The following SENP7 variants were observed in gnomAD, a reference collection of about 807,000 sequenced individuals.
SENP7 encodes sentrin-specific protease 7.
Under a neutral mutation model 141.2 loss-of-function variants are expected in SENP7, and 64 were observed. That is an observed-to-expected ratio of 0.45 (90% CI 0.37 to 0.56). The LOEUF (loss-of-function observed/expected upper bound fraction) is 0.56, where lower values mean the gene tolerates loss of function less well. Ranked by LOEUF, SENP7 falls within the 20% of genes least tolerant of loss-of-function variation. The probability of loss-of-function intolerance (pLI) is 0.00; values close to 1 mark genes in which losing one functional copy is unlikely to be tolerated. For synonymous variants in SENP7, 382 were observed against 426.4 expected, an observed-to-expected ratio of 0.90 and a Z score of 1.28; for missense variants, 1,025 against 1,212.2, an observed-to-expected ratio of 0.85 and a Z score of 2.29.
At chr3:101,457,680 T>A in intron 4 of SENP7, 3 of 1,365,640 alleles carry the variant, frequency 2.2e-6, no homozygotes, top group Non-Finnish European at 3.1e-6. Flanking sequence ...AATGCACACT[T>A]GTGCCTGCAG....
rs569182947 is a variant in SENP7, at chr3:101,341,895, T to C, written c.2107-116A>G. On this transcript the variant is annotated intron_variant, in intron 14 of 23. Transcript: ENST00000394095. ...TTTAAAAATCCCTATGAATTATATC[T>C]ATACTTTTAGATTTTCCATAGATAT... 9.6e-5 allele frequency: 100 copies of C among 1,044,064 alleles called. No homozygotes were observed. The Middle Eastern group carries it at 1.8e-3, about 19-fold the overall frequency. 64.7% of individuals were successfully genotyped at this position (1,044,064 alleles called of 1,614,324 possible).
intron 3 of SENP7, among the ~76,000 whole-genome samples, chr3:101,476,362 T>C (rs2064217841): frequency 6.6e-6 from 1 of 152,092 alleles, no homozygotes; most frequent in Non-Finnish European, 1.5e-5. Context: ...TGGTTTTCTG[T>C]TCCTGTGTTA....
At chr3:101,362,214 T>TG in intron 10 of SENP7, among the ~76,000 whole-genome samples, 1 of 152,216 alleles carries the variant, frequency 6.6e-6, no homozygotes, top group Non-Finnish European at 1.5e-5. Flanking sequence ...ATTGTACTTT[T>TG]GTTTAAAATA....
At chr3:101,453,727 C>G (rs1576402257) in intron 4 of SENP7, among the ~76,000 whole-genome samples, 4 of 148,480 alleles carry the variant, frequency 2.7e-5, no homozygotes, top group South Asian at 2.1e-4. Context: ...GGGGTGGGGG[C>G]AGGGGGGAGG....
At chr3:101,389,421 TA>T (rs1170745710) in intron 6 of SENP7, among the ~76,000 whole-genome samples, 2 of 151,930 alleles carry the variant, frequency 1.3e-5, no homozygotes, top group African/African-American at 4.8e-5. Flanking sequence ...TCTAGACACT[TA>T]TAAGAGAATC....
chr3:101,361,715 T>C lies in SENP7; in HGVS notation c.1623A>G (p.Thr541=), dbSNP rs975255875. 1 of 1,559,928 alleles carries C rather than the reference T, an allele frequency of 6.4e-7. No individual in the cohort carries two copies. The highest frequency in any genetic ancestry group is 1.3e-5 in the South Asian group (1 of 78,882). The stretch of plus-strand genomic sequence containing the variant: ...AGAAAATTAAAGAAAATATACTTAC[T>C]GTAACACAACCTTTAGAAGCTCCTT... ...KIKGASKGCV[T]ITKKYIKIPF... is the part of the protein sequence containing the mutation. The change falls in exon 11 of 24, where the codon ACA becomes ACG. Residue 541 remains threonine (T), a splice_region_variant and synonymous_variant. Coordinates refer to ENST00000394095, the MANE Select transcript of SENP7 (RefSeq NM_020654.5).
chr3:101,423,129 A>C (rs1304977561), intron 4 of SENP7, among the ~76,000 whole-genome samples: 1 of 152,206 alleles, frequency 6.6e-6, no homozygotes, highest in African/African-American at 2.4e-5. Context: ...ACATTTGGAC[A>C]CTTCACCAAA....
chr3:101,368,234 G>T (rs567203978), intron 7 of SENP7, among the ~76,000 whole-genome samples: 2 of 152,076 alleles, frequency 1.3e-5, no homozygotes, highest in African/African-American at 4.8e-5. Context: ...TAGTTGTGAG[G>T]TGAGAAAAAT....
chr3:101,381,951 T>C (rs1009155296), intron 6 of SENP7, among the ~76,000 whole-genome samples: 2 of 152,144 alleles, frequency 1.3e-5, no homozygotes, highest in African/African-American at 4.8e-5. Flanking sequence ...GACATGAATA[T>C]AGGAAACTAT....
rs1279782477 is a variant in SENP7 at position 101,324,521 on chromosome 3, T to C, written c.*1422A>G. ...CCCCCCAACACACACAAATTGGGAATGAAATATGTAATTATAGCCATCTTT... is the reference window on the plus strand; with the variant it reads ...CCCCCCAACACACACAAATTGGGAACGAAATATGTAATTATAGCCATCTTT... On this transcript the variant is annotated 3_prime_UTR_variant, in exon 24 of 24. Transcript: ENST00000394095. The C allele has an allele frequency of 1.3e-5, 2 of 152,006 alleles. No homozygotes were observed. Among genetic ancestry groups the C allele is most frequent in the African/African-American group, 4.8e-5 (2 of 41,418 alleles). 9.4% of individuals were successfully genotyped at this position (152,006 alleles called of 1,614,324 possible).
chr3:101,435,231 TAA>T (rs34513360), intron 4 of SENP7, among the ~76,000 whole-genome samples: 446 of 150,942 alleles, frequency 3.0e-3, no homozygotes, highest in Non-Finnish European at 4.7e-3. Context: ...TTCTTCATAA[TAA>T]AAAAAAAACT....
intron 6 of SENP7, 49 bp from the exon 7 acceptor site, chr3:101,372,175 AT>A: frequency 1.0e-6 from 1 of 953,760 alleles, no homozygotes; most frequent in Non-Finnish European, 1.5e-6. Flanking sequence ...GCCCAAATGA[AT>A]TTAGAAGCCA....
chr3:101,326,670 A>AT (rs1471812327), intron 23 of SENP7, among the ~76,000 whole-genome samples: 2 of 152,196 alleles, frequency 1.3e-5, no homozygotes, highest in Non-Finnish European at 2.9e-5. Flanking sequence ...GAGCTAGAAA[A>AT]TAACACCTAT....
intron 6 of SENP7, among the ~76,000 whole-genome samples, chr3:101,398,320 C>T (rs922844749): frequency 5.3e-5 from 8 of 151,986 alleles, no homozygotes; most frequent in African/African-American, 1.7e-4. Flanking sequence ...ATTAGCTGGG[C>T]GTGGTGGCAC....
In SENP7 at chr3:101,366,497, A is replaced by G; in HGVS notation, c.1251T>C (p.Asn417=). ...CTCTTAGAATAGGCTTTTCTATGGT[A>G]TTCAACTCATTCTCATCCTTCTCAA... The part of the protein sequence containing the change: ...SLVEKDENEL[N]TIEKPILRGH... Residue 417 remains asparagine, a synonymous_variant, in exon 9 of 24, where the codon AAT becomes AAC. Coordinates refer to ENST00000394095, the MANE Select transcript of SENP7 (RefSeq NM_020654.5). 6.2e-7 allele frequency: 1 copy of G among 1,613,778 alleles called. No individual in the cohort carries two copies. The highest frequency in any genetic ancestry group is 2.2e-5 in the East Asian group (1 of 44,864).
At chr3:101,415,528 G>A (rs911990373) in intron 5 of SENP7, among the ~76,000 whole-genome samples, 2 of 152,200 alleles carry the variant, frequency 1.3e-5, no homozygotes. Flanking sequence ...TAAAAGTTAT[G>A]AAGTACTGGA....
At chr3:101,492,721 G>A (rs367581896) in intron 3 of SENP7, among the ~76,000 whole-genome samples, 1 of 152,284 alleles carries the variant, frequency 6.6e-6, no homozygotes, top group Middle Eastern at 3.4e-3. Context: ...TCCAAGGCCA[G>A]GCATAATGGC....
intron 4 of SENP7, among the ~76,000 whole-genome samples, chr3:101,456,216 A>C (rs1213745658): frequency 6.6e-6 from 1 of 152,178 alleles, no homozygotes; most frequent in South Asian, 2.1e-4. Context: ...AGCCCTCTAG[A>C]TTTTAAAAAT....
At chr3:101,445,087 A>C (rs948511963) in intron 4 of SENP7, among the ~76,000 whole-genome samples, 3 of 152,170 alleles carry the variant, frequency 2.0e-5, no homozygotes, top group Admixed American at 6.5e-5. Context: ...AAAAATAGCA[A>C]GAGAAGAGCA....
Sources: gnomAD v4.1 joint callset for allele counts (sites outside exome capture counted in the v4.1 genomes callset) on GRCh38, gnomAD v4.1.1 for gene constraint, MANE v1.5 for transcripts, NCBI Gene and HGNC (gene_info 2026-07-23, HGNC 2026-07-21) for gene names.